The following VWA3B variants were observed in gnomAD, a reference collection of about 807,000 sequenced individuals.
The protein encoded by VWA3B is von Willebrand factor A domain-containing protein 3B.
A neutral mutation model predicts 158.3 loss-of-function variants in VWA3B; 138 were observed. The ratio of observed to expected loss-of-function variants is 0.87; its 90% CI spans 0.76 to 1.00. The LOEUF (loss-of-function observed/expected upper bound fraction) is 1.00. VWA3B is among the 50% of genes least tolerant of loss of function. The pLI is 0.00. For synonymous variants in VWA3B, 596 were observed against 587.3 expected, an observed-to-expected ratio of 1.01 and a Z score of -0.21; for missense variants, 1,555 against 1,565.1, an observed-to-expected ratio of 0.99 and a Z score of 0.11.
At chr2:98,158,707 T>G (rs1678310705) in intron 7 of VWA3B, among the ~76,000 whole-genome samples, 1 of 63,108 alleles carries the variant, frequency 1.6e-5, no homozygotes, top group Admixed American at 1.7e-4. Context: ...GCTCACCGTT[T>G]CCTGGGGGTG....
At chr2:98,089,095 TA>T (rs1390116482) in intron 1 of VWA3B, among the ~76,000 whole-genome samples, 6 of 152,078 alleles carry the variant, frequency 3.9e-5, no homozygotes, top group Admixed American at 3.9e-4. Context: ...ATCCCTTTTT[TA>T]AAAGAGCTGT....
chr2:98,223,181 G>A (rs1359791613), intron 14 of VWA3B, among the ~76,000 whole-genome samples: 1 of 151,838 alleles, frequency 6.6e-6, no homozygotes, highest in African/African-American at 2.4e-5. Flanking sequence ...AAAAATACAA[G>A]AGCAGAAATT....
intron 21 of VWA3B, among the ~76,000 whole-genome samples, chr2:98,265,753 G>T (rs1439699973): frequency 1.3e-5 from 2 of 149,066 alleles, no homozygotes; most frequent in Non-Finnish European, 3.0e-5. Flanking sequence ...GTGTGAGATG[G>T]TATCTCATTG....
intron 22 of VWA3B, among the ~76,000 whole-genome samples, chr2:98,287,001 G>A (rs1195414484): frequency 1.3e-5 from 2 of 152,108 alleles, no homozygotes; most frequent in Non-Finnish European, 2.9e-5. Flanking sequence ...AAATCACAAT[G>A]CCACTAATTA....
At chr2:98,327,161 C>T in the VWA3B span, among the ~76,000 whole-genome samples, 2 of 151,900 alleles carry the variant, frequency 1.3e-5, no homozygotes, top group Non-Finnish European at 2.9e-5. Flanking sequence ...GGCATGGTGG[C>T]ACATGCCTGT....
chr2:98,096,199 T>C (rs912248064), intron 2 of VWA3B, among the ~76,000 whole-genome samples: 4 of 152,222 alleles, frequency 2.6e-5, no homozygotes, highest in Non-Finnish European at 4.4e-5. Flanking sequence ...GAATTGGTAT[T>C]AGTTCTTCTT....
At chr2:98,106,633 T>C (rs1673684646) in intron 2 of VWA3B, among the ~76,000 whole-genome samples, 1 of 152,154 alleles carries the variant, frequency 6.6e-6, no homozygotes, top group Non-Finnish European at 1.5e-5. Flanking sequence ...CCTAAGTATT[T>C]TATTTTTTTT....
At chr2:98,266,283 C>A (rs1324587276) in intron 21 of VWA3B, among the ~76,000 whole-genome samples, 1 of 151,980 alleles carries the variant, frequency 6.6e-6, no homozygotes, top group Non-Finnish European at 1.5e-5. Flanking sequence ...GTTTTCCCAG[C>A]ACCATTTATT....
chr2:98,218,049 G>A (rs924515948), intron 14 of VWA3B, 21 bp downstream of exon 14: 2 of 1,582,636 alleles, frequency 1.3e-6, no homozygotes, highest in East Asian at 4.5e-5. Context: ...GGTGGGCTAA[G>A]AAGGGAGTGT....
intron 22 of VWA3B, among the ~76,000 whole-genome samples, chr2:98,287,837 G>A (rs79345248): frequency 0.039 from 5,939 of 152,166 alleles, 169 homozygotes; most frequent in Middle Eastern, 0.075. Flanking sequence ...TTTTCTCTGC[G>A]TTCTTCCAAT....
chr2:98,131,839 C>T (rs375274382), intron 6 of VWA3B, among the ~76,000 whole-genome samples: 46 of 152,100 alleles, frequency 3.0e-4, no homozygotes, highest in African/African-American at 9.9e-4. Context: ...ATTTTATAGC[C>T]GCAGCCCCAG....
intron 19 of VWA3B, among the ~76,000 whole-genome samples, chr2:98,239,076 A>G (rs1481425568): frequency 1.3e-5 from 2 of 152,190 alleles, no homozygotes; most frequent in South Asian, 2.1e-4. Context: ...GGACACTTAT[A>G]TCCTGCTAGT....
intron 25 of VWA3B, among the ~76,000 whole-genome samples, chr2:98,303,303 T>C (rs1690309789): frequency 6.6e-6 from 1 of 151,930 alleles, no homozygotes; most frequent in Non-Finnish European, 1.5e-5. Context: ...GGGGGAAGGA[T>C]ACTGGAGACA....
chr2:98,089,080 A>G (rs1406455982), intron 1 of VWA3B, among the ~76,000 whole-genome samples: 2 of 152,124 alleles, frequency 1.3e-5, no homozygotes, highest in Non-Finnish European at 2.9e-5. Context: ...GTGCCCGGCC[A>G]ATATATCCCT....
chr2:98,188,391 C>T (rs1681305131), intron 10 of VWA3B, among the ~76,000 whole-genome samples: 1 of 152,090 alleles, frequency 6.6e-6, no homozygotes. Context: ...TAAAAATATA[C>T]ATAAATTATA....
intron 8 of VWA3B, among the ~76,000 whole-genome samples, chr2:98,180,344 A>T (rs550608649): frequency 1.3e-5 from 2 of 152,266 alleles, no homozygotes; most frequent in African/African-American, 4.8e-5. Context: ...GACACCTGCC[A>T]CCACACCTGG....
chr2:98,159,820 C>T (rs866133691), intron 7 of VWA3B, among the ~76,000 whole-genome samples: 1 of 151,540 alleles, frequency 6.6e-6, no homozygotes, highest in Non-Finnish European at 1.5e-5. Flanking sequence ...GAGTTCAAGA[C>T]CAGCCTGTCC....
intron 16 of VWA3B, among the ~76,000 whole-genome samples, chr2:98,231,572 C>T (rs1046031107): frequency 6.6e-6 from 1 of 152,144 alleles, no homozygotes; most frequent in African/African-American, 2.4e-5. Context: ...GAAACTTGAC[C>T]TTAACCTCAC....
chr2:98,306,844 C>A (rs1275560095), intron 26 of VWA3B, among the ~76,000 whole-genome samples: 1 of 152,138 alleles, frequency 6.6e-6, no homozygotes, highest in Non-Finnish European at 1.5e-5. Flanking sequence ...ACTCTCGAGT[C>A]CCCCATTGTA....
Sources: allele counts gnomAD v4.1 joint callset (sites outside exome capture counted in the v4.1 genomes callset), GRCh38; gene constraint gnomAD v4.1.1; transcripts MANE v1.5; gene names NCBI Gene and HGNC (gene_info 2026-07-23, HGNC 2026-07-21).